Variants in CDH9 observed in about 807,000 individuals in gnomAD.
CDH9 encodes cadherin 9.
A neutral mutation model predicts 70.9 loss-of-function variants in CDH9; 28 were observed. The observed-to-expected ratio is 0.40, with a 90% CI of 0.29 to 0.54. The LOEUF (loss-of-function observed/expected upper bound fraction) is 0.54, where lower values mean the gene tolerates loss of function less well. Ranked by LOEUF, CDH9 falls within the 20% of genes least tolerant of loss-of-function variation. The pLI, the probability that CDH9 is intolerant of heterozygous loss-of-function variation, is 0.59. For synonymous variants in CDH9, 409 were observed against 343.1 expected (o/e 1.19, Z -2.12); for missense variants, 874 against 984.4 (o/e 0.89, Z 1.50).
chr5:27,030,374 A>G (rs1023931105), intron 1 of CDH9, among the ~76,000 whole-genome samples: 1 of 151,800 alleles, frequency 6.6e-6, no homozygotes. Flanking sequence ...TAACTGAATA[A>G]TCTCCCAAAA....
In CDH9 at chr5:26,913,065, A is replaced by G. The variant is rs554737381; in HGVS notation, c.523+2565T>C. Among the ~76,000 whole-genome samples, 6 of 152,130 alleles carry G rather than the reference A, an allele frequency of 3.9e-5. No individual in the cohort carries two copies. In the East Asian group the frequency reaches 1.2e-3, roughly 29 times the overall value. On this transcript the variant is annotated intron_variant, in intron 3 of 11. Transcript: ENST00000231021. ...CTCAGCCATGTGGAACTGTAATTCC[A>G]TTAAATCTCCTTTTCTTCCCAGTCT...
intron 1 of CDH9, among the ~76,000 whole-genome samples, chr5:27,003,497 C>T (rs187817112): frequency 2.0e-5 from 3 of 152,090 alleles, no homozygotes; most frequent in African/African-American, 4.8e-5. Context: ...AGTCCAATAT[C>T]ACAATATTAA....
Position 26,968,047 on chromosome 5 carries a change from A to G in CDH9, c.228+20059T>C, listed in dbSNP as rs146027797. Among the ~76,000 whole-genome samples, 526 of 152,220 alleles carry G rather than the reference A, an allele frequency of 3.5e-3. 1 individual carries two copies. The highest frequency in any genetic ancestry group is 0.012 in the African/African-American group (511 of 41,552). On this transcript the variant is annotated intron_variant, in intron 2 of 11. Coordinates refer to ENST00000231021, the MANE Select transcript of CDH9 (RefSeq NM_016279.4). ...ATATCATAATCTTTTTTGCATCATCATTTATTAAAAGTTTTAGAACCTATT... is the reference window on the plus strand; with the variant it reads ...ATATCATAATCTTTTTTGCATCATCGTTTATTAAAAGTTTTAGAACCTATT...
chr5:26,967,508 A>C (rs1456843581), intron 2 of CDH9, among the ~76,000 whole-genome samples: 1 of 152,182 alleles, frequency 6.6e-6, no homozygotes, highest in Non-Finnish European at 1.5e-5. Context: ...TGTAATTACC[A>C]GTCTCATCAG....
chr5:27,007,004 TA>T (rs1742876009), intron 1 of CDH9, among the ~76,000 whole-genome samples: 2 of 152,108 alleles, frequency 1.3e-5, no homozygotes, highest in Non-Finnish European at 2.9e-5. Flanking sequence ...ATATTTAATC[TA>T]CTGAGAAAAT....
chr5:26,945,660 G>T (rs78626120), intron 2 of CDH9, among the ~76,000 whole-genome samples: 2,672 of 152,134 alleles, frequency 0.018, 92 homozygotes, highest in African/African-American at 0.061. Context: ...AGTGCATATG[G>T]TCATATCACA....
intron 2 of CDH9, among the ~76,000 whole-genome samples, chr5:26,946,911 C>G (rs1031595822): frequency 6.6e-6 from 1 of 152,178 alleles, no homozygotes; most frequent in African/African-American, 2.4e-5. Context: ...AGGAGTCAGG[C>G]AAACCCTCAC....
rs372439818 is a variant in CDH9 at position 26,910,106 on chromosome 5, A to AC, written c.524-3269_524-3268insG. ...AAACTTCATATATAAAAGAAAAAAC[A>AC]TCCCTCTATATATTTGTGCCTTATA... is the stretch of plus-strand genomic sequence containing the variant. On this transcript the variant is annotated intron_variant, in intron 3 of 11. Transcript: ENST00000231021. Among the ~76,000 whole-genome samples, 62 of 152,218 alleles carry AC rather than the reference A, an allele frequency of 4.1e-4. No individual in the cohort carries two copies. In the East Asian group the frequency reaches 0.012, roughly 29 times the overall value.
intron 2 of CDH9, among the ~76,000 whole-genome samples, chr5:26,938,511 T>C (rs1741601019): frequency 6.6e-6 from 1 of 152,038 alleles, no homozygotes; most frequent in Admixed American, 6.6e-5. Context: ...AAATCGGGTG[T>C]GCAAAATATT....
chr5:27,014,583 TAGAC>T (rs1353932814), intron 1 of CDH9, among the ~76,000 whole-genome samples: 1 of 151,932 alleles, frequency 6.6e-6, no homozygotes, highest in African/African-American at 2.4e-5. Flanking sequence ...CTATCTATGA[TAGAC>T]AGTTTTTATT....
In CDH9 at chr5:27,033,477, CAGAT is replaced by C. The variant is rs946302681; in HGVS notation, c.-50+4982_-50+4985del. ...AGATATAAAGACATAGATAGACAGA[CAGAT>C]AGACAGACAGACAGACAGACAGATA... On this transcript the variant is annotated intron_variant, in intron 1 of 11. Transcript: ENST00000231021. Among the ~76,000 whole-genome samples the C allele has an allele frequency of 6.0e-5, 9 of 150,646 alleles. No individual in the cohort carries two copies. The East Asian group carries it at 9.8e-4, about 16-fold the overall frequency.
intron 2 of CDH9, among the ~76,000 whole-genome samples, chr5:26,931,965 G>T (rs1741471111): frequency 6.6e-6 from 1 of 152,070 alleles, no homozygotes; most frequent in African/African-American, 2.4e-5. Context: ...TATGTTCAGT[G>T]AATTTCAACC....
chr5:26,884,843 T>C (rs1375698106), intron 11 of CDH9, among the ~76,000 whole-genome samples: 2 of 152,170 alleles, frequency 1.3e-5, no homozygotes, highest in Non-Finnish European at 2.9e-5. Context: ...GGAACAACTG[T>C]TTAATTGAAT....
chr5:27,020,924 T>G (rs1396694048), intron 1 of CDH9, among the ~76,000 whole-genome samples: 1 of 151,816 alleles, frequency 6.6e-6, no homozygotes, highest in African/African-American at 2.4e-5. Flanking sequence ...TAGAATAATG[T>G]GTATTTAAAC....
chr5:26,946,458 A>G (rs369046280), intron 2 of CDH9, among the ~76,000 whole-genome samples: 1 of 121,918 alleles, frequency 8.2e-6, no homozygotes, highest in Non-Finnish European at 1.5e-5. Flanking sequence ...CATTTAGAAG[A>G]AAAAAAAGGA....
At chr5:26,954,384 C>CTTTTTTTTTTTTTTTTTTTTTTTTT (rs141394776) in intron 2 of CDH9, among the ~76,000 whole-genome samples, 1 of 18,352 alleles carries the variant, frequency 5.4e-5, no homozygotes, top group African/African-American at 1.3e-4. Flanking sequence ...ATTATACAGC[C>CTTTTTTTTTTTTTTTTTTTTTTTTT]TTTCTTTTTT....
intron 2 of CDH9, among the ~76,000 whole-genome samples, chr5:26,916,978 T>C (rs1579449523): frequency 1.3e-5 from 2 of 151,970 alleles, no homozygotes; most frequent in African/African-American, 4.8e-5. Flanking sequence ...TTGATAAATG[T>C]CCATCTGTAA....
At chr5:26,978,667 T>C (rs1228691180) in intron 2 of CDH9, among the ~76,000 whole-genome samples, 4 of 112,108 alleles carry the variant, frequency 3.6e-5, no homozygotes, top group Admixed American at 3.1e-4. Context: ...CAAACAGAAT[T>C]AAAAAGAAAA....
chr5:27,016,606 G>A (rs1427563295), intron 1 of CDH9, among the ~76,000 whole-genome samples: 1 of 151,702 alleles, frequency 6.6e-6, no homozygotes, highest in Non-Finnish European at 1.5e-5. Flanking sequence ...TAGTATAATT[G>A]GCAGCATAAT....
Sources: allele counts gnomAD v4.1 joint callset (sites outside exome capture counted in the v4.1 genomes callset), GRCh38; gene constraint gnomAD v4.1.1; transcripts MANE v1.5; gene names NCBI Gene and HGNC (gene_info 2026-07-23, HGNC 2026-07-21).